The following APPL1 variants were observed in gnomAD, a reference collection of about 807,000 sequenced individuals.
APPL1 encodes the protein DCC-interacting protein 13-alpha.
Under a neutral mutation model 106.8 loss-of-function variants are expected in APPL1, and 42 were observed. The ratio of observed to expected loss-of-function variants is 0.39; its 90% CI spans 0.31 to 0.51. APPL1 has a LOEUF of 0.51. Ranked by LOEUF, APPL1 falls within the 20% of genes least tolerant of loss-of-function variation. The pLI, the probability that APPL1 is intolerant of heterozygous loss-of-function variation, is 0.75. For synonymous variants in APPL1, 263 were observed against 281.8 expected (o/e 0.93, Z 0.67); for missense variants, 769 against 858.2 (o/e 0.90, Z 1.30).
chr3:57,238,899 A>G (rs1318545578), intron 4 of APPL1, among the ~76,000 whole-genome samples: 13 of 152,166 alleles, frequency 8.5e-5, no homozygotes, highest in Non-Finnish European at 1.6e-4. Context: ...TCTCAAAGGA[A>G]GCCTTGTGCC....
chr3:57,242,957 C>T (rs922775821), intron 7 of APPL1, 43 bp downstream of exon 7: 1 of 1,451,128 alleles, frequency 6.9e-7, no homozygotes, highest in African/African-American at 1.4e-5. Flanking sequence ...ATTAACTATT[C>T]ATTAGGTGGT....
rs2060903028 is a variant in APPL1 at position 57,267,766 on chromosome 3, A to G, written c.1867A>G (p.Lys623Glu). Residue 623 changes from lysine to glutamate, a missense_variant, in exon 20 of 22, where the codon AAA becomes GAA. By Grantham distance (56) the Lys-to-Glu change is moderately conservative. Transcript: ENST00000288266. ...EKICDSVGLA[K>E]QIALHAELDR... ...GATATGTGATTCTGTTGGACTGGCA[A>G]AACAGATAGCTTTGCATGCTGAACT... 2 of 1,613,938 alleles carry G rather than the reference A, an allele frequency of 1.2e-6. No individual in the cohort carries two copies. The highest frequency in any genetic ancestry group is 2.2e-5 in the East Asian group (1 of 44,880).
chr3:57,229,406 G>A (rs1041555956), intron 1 of APPL1, among the ~76,000 whole-genome samples: 1 of 151,982 alleles, frequency 6.6e-6, no homozygotes, highest in African/African-American at 2.4e-5. Flanking sequence ...TTGTGAGGCA[G>A]AGATAAACTC....
At chr3:57,263,618 T>C (rs1386302618) in intron 19 of APPL1, among the ~76,000 whole-genome samples, 2 of 152,212 alleles carry the variant, frequency 1.3e-5, no homozygotes, top group Non-Finnish European at 2.9e-5. Context: ...TGAATAGTAC[T>C]CCATTGTATG....
In APPL1 at chr3:57,263,692, C is replaced by A. The variant is rs560149828; in HGVS notation, c.1842+2918C>A. 6.6e-5 allele frequency among the ~76,000 whole-genome samples: 10 copies of A among 151,598 alleles called. No individual in the cohort carries two copies. In the East Asian group the frequency reaches 1.9e-3, roughly 29 times the overall value. On this transcript the variant is annotated intron_variant, in intron 19 of 21. Coordinates refer to ENST00000288266, the MANE Select transcript of APPL1 (RefSeq NM_012096.3). ...GTATCATCCATTCAAATGACAGAAT[C>A]TCATTCTTTTTTTCTGGCTGAATAG...
intron 1 of APPL1, among the ~76,000 whole-genome samples, chr3:57,234,070 G>T (rs2060703148): frequency 6.6e-6 from 1 of 152,070 alleles, no homozygotes; most frequent in Non-Finnish European, 1.5e-5. Flanking sequence ...AGAAGAATGA[G>T]ACCCTATCTC....
rs2060843630 is a variant in APPL1 at position 57,257,487 on chromosome 3, T to C, written c.1430+59T>C. The C allele has an allele frequency of 3.6e-6, 5 of 1,388,278 alleles. No individual in the cohort carries two copies. In the Admixed American group the frequency reaches 1.2e-4, roughly 33 times the overall value. 86.0% of individuals were successfully genotyped at this position (1,388,278 alleles called of 1,614,324 possible). A position where few individuals can be genotyped will look rare whatever the true frequency, so the allele number is the denominator to read the frequency against. On this transcript the variant is annotated intron_variant, in intron 15 of 21. Coordinates refer to ENST00000288266, the MANE Select transcript of APPL1 (RefSeq NM_012096.3). ...GGTCTGTAAGGCTTATAATCCCCTG[T>C]CTGCATTTCAGAGTCATCTCTTATT...
At chr3:57,261,477 G>A (rs148556074) in intron 19 of APPL1, among the ~76,000 whole-genome samples, 1 of 152,284 alleles carries the variant, frequency 6.6e-6, no homozygotes, top group East Asian at 1.9e-4. Context: ...ATACCCAGTA[G>A]TGGGATTGTT....
intron 11 of APPL1, among the ~76,000 whole-genome samples, chr3:57,250,772 A>G (rs1320818815): frequency 6.6e-6 from 1 of 151,118 alleles, no homozygotes; most frequent in Non-Finnish European, 1.5e-5. Flanking sequence ...CCACTCAATT[A>G]AAATACTGCT....
At chr3:57,264,132 C>G (rs1366880967) in intron 19 of APPL1, among the ~76,000 whole-genome samples, 1 of 152,142 alleles carries the variant, frequency 6.6e-6, no homozygotes, top group Non-Finnish European at 1.5e-5. Context: ...CTCTGATGAT[C>G]AGTGATGTTG....
rs752681548 is a variant in APPL1 at position 57,267,724 on chromosome 3, T to C, written c.1843-18T>C. On this transcript the variant is annotated intron_variant, in intron 19 of 21. Coordinates refer to ENST00000288266, the MANE Select transcript of APPL1 (RefSeq NM_012096.3). ...TTGTGAGAACTGCCTGAATTTTTCA[T>C]ACTTTTTCTCTTTTTAGATATGTGA... 4.3e-6 allele frequency: 7 copies of C among 1,613,142 alleles called. No homozygotes were observed. The highest frequency in any genetic ancestry group is 1.1e-5 in the South Asian group (1 of 91,046).
rs2060665308 is a variant in APPL1 at position 57,228,404 on chromosome 3, A to G, written c.54+467A>G. Among the ~76,000 whole-genome samples the G allele has an allele frequency of 6.6e-6, 1 of 152,154 alleles. No homozygotes were observed. Among genetic ancestry groups the G allele is most frequent in the Admixed American group, 6.5e-5 (1 of 15,284 alleles). Reference sequence around the variant, plus strand: ...ATCGTTTTTCTTTGGGAGAGGCTGTAAGGTTGTGTGTGGAGCCCTAATGGC... The same window carrying G: ...ATCGTTTTTCTTTGGGAGAGGCTGTGAGGTTGTGTGTGGAGCCCTAATGGC... On this transcript the variant is annotated intron_variant, in intron 1 of 21. Transcript: ENST00000288266. The surrounding 1 kb of genome is among the most constrained non-coding windows in gnomAD (Gnocchi z 4.6).
intron 4 of APPL1, among the ~76,000 whole-genome samples, chr3:57,239,129 G>T (rs2060731975): frequency 6.6e-6 from 1 of 152,166 alleles, no homozygotes; most frequent in Non-Finnish European, 1.5e-5. Flanking sequence ...ATCAGATCTC[G>T]TGAAACTTAT....
intron 1 of APPL1, among the ~76,000 whole-genome samples, chr3:57,231,364 AT>A (rs140836469): frequency 4.8e-5 from 7 of 144,964 alleles, no homozygotes; most frequent in South Asian, 2.1e-4. Context: ...AAAAAAGAAA[AT>A]TTTTTTTTTG....
rs2060665978 is a variant in APPL1 at position 57,228,495 on chromosome 3, G to A, written c.54+558G>A. Among the ~76,000 whole-genome samples, 1 of 152,228 alleles carries A rather than the reference G, an allele frequency of 6.6e-6. No individual in the cohort carries two copies. Among genetic ancestry groups the A allele is most frequent in the South Asian group, 2.1e-4 (1 of 4,836 alleles). On this transcript the variant is annotated intron_variant, in intron 1 of 21. Coordinates refer to ENST00000288266, the MANE Select transcript of APPL1 (RefSeq NM_012096.3). This position sits in a 1 kb window ranked among gnomAD's most constrained non-coding sequence, Gnocchi z 4.6. ...CGCCGAATGTGCCCGTGTCGCGGCC[G>A]TGACTGTGGTCGCTGTCACTCGAGC... is the stretch of plus-strand genomic sequence containing the variant.
chr3:57,262,264 T>G (rs1235227828), intron 19 of APPL1, among the ~76,000 whole-genome samples: 1 of 152,000 alleles, frequency 6.6e-6, no homozygotes, highest in African/African-American at 2.4e-5. Context: ...TAAGTCCCAT[T>G]TGTTTATTTT....
At chr3:57,236,234 G>A (rs572225194) in intron 2 of APPL1, among the ~76,000 whole-genome samples, 2 of 151,982 alleles carry the variant, frequency 1.3e-5, no homozygotes, top group African/African-American at 4.8e-5. Context: ...AGTAGAGACA[G>A]GGTTTCTCCA....
chr3:57,238,090 C>G lies in APPL1; in HGVS notation c.259C>G (p.Gln87Glu). The G allele has an allele frequency of 6.2e-7, 1 of 1,611,008 alleles. No individual in the cohort carries two copies. Among genetic ancestry groups the G allele is most frequent in the South Asian group, 1.1e-5 (1 of 89,984 alleles). The change falls in exon 4 of 22, where the codon CAA (glutamine) becomes GAA (glutamate). Residue 87 changes from glutamine to glutamate, a missense_variant. Physicochemically the swap from Gln to Glu is conservative, Grantham distance 29. Coordinates refer to ENST00000288266, the MANE Select transcript of APPL1 (RefSeq NM_012096.3). Reference sequence around the variant, plus strand: ...TGATGAAGTTATGAGCTCTACATTGCAACAGTTTTCAAAAGTTATAGATGA... The same window carrying G: ...TGATGAAGTTATGAGCTCTACATTGGAACAGTTTTCAAAAGTTATAGATGA... ...GDDEVMSSTL[Q>E]QFSKVIDELS... is the part of the protein sequence containing the mutation.
intron 19 of APPL1, among the ~76,000 whole-genome samples, chr3:57,261,643 C>T (rs1024364194): frequency 2.0e-5 from 3 of 152,082 alleles, no homozygotes; most frequent in Non-Finnish European, 2.9e-5. Flanking sequence ...CTCAGCCTCC[C>T]GAGTAGCTGG....
Sources: allele counts gnomAD v4.1 joint callset (sites outside exome capture counted in the v4.1 genomes callset), GRCh38; gene constraint gnomAD v4.1.1; non-coding constraint Gnocchi (gnomAD v3.1); transcripts MANE v1.5; gene names NCBI Gene and HGNC (gene_info 2026-07-23, HGNC 2026-07-21).